CNNM1: variants seen among roughly 807,000 people sequenced by gnomAD.
CNNM1 encodes metal transporter CNNM1.
Under a neutral mutation model 78.8 loss-of-function variants are expected in CNNM1, and 44 were observed. That is an observed-to-expected ratio of 0.56 (90% CI 0.44 to 0.72). The LOEUF (loss-of-function observed/expected upper bound fraction) is 0.72. Ranked by LOEUF, CNNM1 falls within the 30% of genes least tolerant of loss-of-function variation. The probability of loss-of-function intolerance (pLI) is 0.00; values close to 1 mark genes in which losing one functional copy is unlikely to be tolerated. For synonymous variants in CNNM1, 584 were observed against 581.5 expected (o/e 1.00, Z -0.06); for missense variants, 1,101 against 1,292.2 (o/e 0.85, Z 2.27).
Position 99,329,905 on chromosome 10 carries a change from A to T in CNNM1, c.518A>T (p.Glu173Val). ...RVRELRKGEA[E>V]RGGAGGGGKL... ...CGGGAGCTGCGCAAGGGCGAAGCGG[A>T]GCGGGGCGGCGCGGGCGGTGGCGGG... Residue 173 changes from glutamate to valine, a missense_variant, in exon 1 of 11, where the codon GAG (glutamate) becomes GTG (valine). By Grantham distance (121) the Glu-to-Val change is moderately radical. Transcript: ENST00000356713. The T allele has an allele frequency of 7.2e-7, 1 of 1,386,626 alleles. No homozygotes were observed. Among genetic ancestry groups the T allele is most frequent in the Non-Finnish European group, 9.3e-7 (1 of 1,078,166 alleles). The allele number at this position is 1,386,626 out of a possible 1,614,324, so 85.9% of individuals were successfully genotyped here. A position where few individuals can be genotyped will look rare whatever the true frequency, so the allele number is the denominator to read the frequency against.
At chr10:99,374,265 G>A (rs371291526) in intron 6 of CNNM1, among the ~76,000 whole-genome samples, 17 of 152,130 alleles carry the variant, frequency 1.1e-4, no homozygotes, top group African/African-American at 3.4e-4. Context: ...CCCTGTCCCC[G>A]TCAGTTCTTA....
intron 6 of CNNM1, chr10:99,368,687 AT>A (rs1564953572): frequency 1.6e-6 from 2 of 1,289,092 alleles, no homozygotes; most frequent in African/African-American, 3.0e-5. Context: ...CCAGGTAAAC[AT>A]GCATGGGTGT....
chr10:99,384,507 C>T (rs2032250352), intron 7 of CNNM1, among the ~76,000 whole-genome samples: 1 of 151,944 alleles, frequency 6.6e-6, no homozygotes, highest in African/African-American at 2.4e-5. Flanking sequence ...CCCTCACTGC[C>T]ATACACTGCC....
intron 6 of CNNM1, among the ~76,000 whole-genome samples, chr10:99,366,069 A>T (rs2031606903): frequency 6.6e-6 from 1 of 152,258 alleles, no homozygotes; most frequent in Non-Finnish European, 1.5e-5. Flanking sequence ...GGAACAATTT[A>T]CAGTGTAATT....
chr10:99,387,778 C>T (rs2032347548), intron 7 of CNNM1, 42 bp from the exon 8 acceptor site: 2 of 1,519,200 alleles, frequency 1.3e-6, no homozygotes, highest in African/African-American at 1.4e-5. Context: ...TCCGGGTGGT[C>T]TCTGCCTAGC....
intron 1 of CNNM1, among the ~76,000 whole-genome samples, chr10:99,352,350 T>A (rs773446313): frequency 1.3e-5 from 2 of 152,240 alleles, no homozygotes; most frequent in Non-Finnish European, 2.9e-5. Context: ...ATATAACACA[T>A]TTTGTTTGGA....
At chr10:99,365,250 T>G (rs2031576133) in intron 6 of CNNM1, 2 of 602,520 alleles carry the variant, frequency 3.3e-6, no homozygotes, top group East Asian at 5.7e-5. Context: ...ATGCAGGGGT[T>G]GTGAGGGAAG....
At chr10:99,364,574 A>G in intron 5 of CNNM1, 58 bp downstream of exon 5, 1 of 1,383,502 alleles carries the variant, frequency 7.2e-7, no homozygotes, top group East Asian at 2.4e-5. Flanking sequence ...GAAAAAGCAC[A>G]GGGGTTCAAG....
chr10:99,352,890 GTTTTGGGTGTCCTAAGAAAT>G (rs2030998264), intron 1 of CNNM1, among the ~76,000 whole-genome samples: 1 of 151,156 alleles, frequency 6.6e-6, no homozygotes, highest in African/African-American at 2.4e-5. Flanking sequence ...ATTTGATTGT[GTTTTGGGTGTCCTAAGAAAT>G]CAATCTCTAA....
chr10:99,352,038 G>A (rs1160772381), intron 1 of CNNM1, among the ~76,000 whole-genome samples: 1 of 152,056 alleles, frequency 6.6e-6, no homozygotes, highest in East Asian at 1.9e-4. Context: ...ATGCATTTTT[G>A]TATATTCAGA....
intron 1 of CNNM1, among the ~76,000 whole-genome samples, chr10:99,339,914 C>G (rs1350231738): frequency 6.6e-6 from 1 of 152,184 alleles, no homozygotes; most frequent in Admixed American, 6.5e-5. Context: ...GTGCTATATT[C>G]TTTGTCTTCC....
At chr10:99,386,963 A>G (rs1301893190) in intron 7 of CNNM1, among the ~76,000 whole-genome samples, 2 of 152,086 alleles carry the variant, frequency 1.3e-5, no homozygotes, top group African/African-American at 4.8e-5. Context: ...GCCATGTACC[A>G]TTTCCCTTCT....
At chr10:99,390,069 C>T (rs1029165882) in intron 9 of CNNM1, among the ~76,000 whole-genome samples, 45 of 152,204 alleles carry the variant, frequency 3.0e-4, no homozygotes, top group African/African-American at 1.1e-3. Context: ...TTGCATGGAT[C>T]GTTGGATTCC....
chr10:99,337,492 A>G (rs1389054126), intron 1 of CNNM1, among the ~76,000 whole-genome samples: 13 of 152,196 alleles, frequency 8.5e-5, no homozygotes, highest in Admixed American at 8.5e-4. Context: ...TCTGTCAGGA[A>G]TATGCTTTGC....
chr10:99,385,511 A>G (rs568811049), intron 7 of CNNM1, among the ~76,000 whole-genome samples: 4 of 152,354 alleles, frequency 2.6e-5, no homozygotes, highest in Admixed American at 1.3e-4. Flanking sequence ...GGCATCAGCA[A>G]TTTAGACATA....
chr10:99,377,225 C>A lies in CNNM1; in HGVS notation c.2340+7C>A. ...CGATGTGCAGTTTGTGAAGGTAACT[C>A]CCCCAGGAAGGTTATCCTCTCCCTC... is the stretch of plus-strand genomic sequence containing the variant. On this transcript the variant is annotated splice_region_variant and intron_variant, in intron 7 of 10. Transcript: ENST00000356713. 3 of 1,612,714 alleles carry A rather than the reference C, an allele frequency of 1.9e-6. No homozygotes were observed. Among genetic ancestry groups the A allele is most frequent in the Non-Finnish European group, 2.5e-6 (3 of 1,179,136 alleles).
At chr10:99,364,815 C>A in intron 5 of CNNM1, 140 bp from the exon 6 acceptor site, 1 of 782,274 alleles carries the variant, frequency 1.3e-6, no homozygotes, top group Non-Finnish European at 2.0e-6. Flanking sequence ...GCTTTTTATA[C>A]TTGTTCCCTA....
chr10:99,387,497 A>C (rs1308176586), intron 7 of CNNM1, among the ~76,000 whole-genome samples: 1 of 152,096 alleles, frequency 6.6e-6, no homozygotes. Flanking sequence ...CAATAGTATA[A>C]ATGGGTGTTT....
intron 1 of CNNM1, among the ~76,000 whole-genome samples, chr10:99,357,144 G>T (rs1264279441): frequency 1.3e-5 from 2 of 152,170 alleles, no homozygotes; most frequent in Non-Finnish European, 2.9e-5. Context: ...AGTGGGGAAG[G>T]GGGCTTAGGG....
Sources: gnomAD v4.1 joint callset for allele counts (sites outside exome capture counted in the v4.1 genomes callset) on GRCh38, gnomAD v4.1.1 for gene constraint, MANE v1.5 for transcripts, NCBI Gene and HGNC (gene_info 2026-07-23, HGNC 2026-07-21) for gene names.